Variants in ZBTB20 observed in about 807,000 individuals in gnomAD.
ZBTB20 encodes zinc finger and BTB domain-containing protein 20.
ZBTB20 carries 9 observed loss-of-function variants against 56.9 expected under a neutral mutation model. That is an observed-to-expected ratio of 0.16 (90% CI 0.10 to 0.28). The LOEUF is 0.28. Ranked by LOEUF, ZBTB20 falls within the 10% of genes least tolerant of loss-of-function variation. The probability of loss-of-function intolerance (pLI) is 1.00; values close to 1 mark genes in which losing one functional copy is unlikely to be tolerated. For synonymous variants in ZBTB20, 417 were observed against 420.7 expected (o/e 0.99, Z 0.11); for missense variants, 655 against 1,003.0 (o/e 0.65, Z 4.69).
intron 3 of ZBTB20, among the ~76,000 whole-genome samples, chr3:114,942,162 C>T (rs2076741897): frequency 6.9e-6 from 1 of 145,586 alleles, no homozygotes; most frequent in Non-Finnish European, 1.5e-5. Context: ...TCGTTATAGC[C>T]TCCTAGTCTA....
At chr3:115,105,929 T>C (rs778199615) in intron 1 of ZBTB20, among the ~76,000 whole-genome samples, 27 of 152,072 alleles carry the variant, frequency 1.8e-4, no homozygotes, top group Non-Finnish European at 3.1e-4. Flanking sequence ...GCGATTCTCC[T>C]GCCTCAGCCT....
chr3:115,008,810 T>C (rs549239020), intron 2 of ZBTB20, among the ~76,000 whole-genome samples: 3 of 152,070 alleles, frequency 2.0e-5, no homozygotes, highest in African/African-American at 7.2e-5. Context: ...AAACAAAGTA[T>C]ATCTGTAATA....
At chr3:114,443,066 T>C (rs2091033447) in intron 7 of ZBTB20, among the ~76,000 whole-genome samples, 1 of 152,076 alleles carries the variant, frequency 6.6e-6, no homozygotes, top group African/African-American at 2.4e-5. Context: ...GGGAAGAAAA[T>C]GCCAAAGATG....
intron 4 of ZBTB20, among the ~76,000 whole-genome samples, chr3:114,833,962 A>G (rs2073989749): frequency 6.6e-6 from 1 of 152,152 alleles, no homozygotes; most frequent in South Asian, 2.1e-4. Context: ...GAACATAGAC[A>G]TCCTGTTTTA....
intron 3 of ZBTB20, chr3:114,931,363 C>A: frequency 4.2e-6 from 1 of 240,686 alleles, no homozygotes; most frequent in African/African-American, 2.3e-5. Context: ...ATGTAGACTC[C>A]CAGAAAACCC....
At chr3:115,076,310 T>C (rs764824517) in intron 1 of ZBTB20, among the ~76,000 whole-genome samples, 1 of 152,078 alleles carries the variant, frequency 6.6e-6, no homozygotes, top group Admixed American at 6.5e-5. Context: ...CAAAATATAT[T>C]ACAAAACAAA....
intron 5 of ZBTB20, among the ~76,000 whole-genome samples, chr3:114,717,886 C>T (rs940924580): frequency 2.6e-5 from 4 of 152,094 alleles, no homozygotes; most frequent in African/African-American, 9.7e-5. Context: ...ACTGTAATAT[C>T]TTTTGGGATA....
At chr3:114,707,981 A>C (rs571973695) in intron 5 of ZBTB20, among the ~76,000 whole-genome samples, 1 of 152,220 alleles carries the variant, frequency 6.6e-6, no homozygotes, top group Admixed American at 6.5e-5. Flanking sequence ...GAAAGCAGGA[A>C]TCATATCTCC....
At chr3:115,086,786 ATGG>A (rs1300568976) in intron 1 of ZBTB20, among the ~76,000 whole-genome samples, 1 of 151,834 alleles carries the variant, frequency 6.6e-6, no homozygotes, top group African/African-American at 2.4e-5. Context: ...GTCTGATGTG[ATGG>A]CATCACTTCT....
intron 6 of ZBTB20, among the ~76,000 whole-genome samples, chr3:114,615,141 A>G (rs2057842105): frequency 6.6e-6 from 1 of 152,192 alleles, no homozygotes; most frequent in Non-Finnish European, 1.5e-5. Context: ...CAAACTAAGG[A>G]GAAACATACT....
chr3:115,020,608 G>A (rs2080164429), intron 2 of ZBTB20, among the ~76,000 whole-genome samples: 1 of 150,750 alleles, frequency 6.6e-6, no homozygotes, highest in Non-Finnish European at 1.5e-5. Flanking sequence ...CTTTTTTGAG[G>A]ATGATAAAAG....
intron 4 of ZBTB20, among the ~76,000 whole-genome samples, chr3:114,839,286 A>C (rs2074262024): frequency 6.6e-6 from 1 of 151,984 alleles, no homozygotes. Flanking sequence ...CTATGGTCCC[A>C]GCTACTTGGG....
rs575828762 is a variant in ZBTB20 at position 114,830,657 on chromosome 3, A to G, written c.-416-29483T>C. Among the ~76,000 whole-genome samples the G allele has an allele frequency of 2.0e-5, 3 of 152,150 alleles. No homozygotes were observed. In the South Asian group the frequency reaches 6.2e-4, roughly 32 times the overall value. On this transcript the variant is annotated intron_variant, in intron 4 of 11. Coordinates refer to ENST00000675478, the MANE Select transcript of ZBTB20 (RefSeq NM_001348800.3). Reference sequence around the variant, plus strand: ...CAATTATCCCAATCATGGATGAGGAAACTGGGACTCAGAGAAGTTAGAGTT... The same window carrying G: ...CAATTATCCCAATCATGGATGAGGAGACTGGGACTCAGAGAAGTTAGAGTT...
intron 6 of ZBTB20, among the ~76,000 whole-genome samples, chr3:114,608,982 C>A (rs561956824): frequency 6.6e-6 from 1 of 152,262 alleles, no homozygotes; most frequent in Non-Finnish European, 1.5e-5. Context: ...CAGTCTTTGT[C>A]CTGCCTAGTG....
Position 114,974,391 on chromosome 3 carries a change from A to C in ZBTB20, c.-481T>G, listed in dbSNP as rs2078014257. 1 of 152,164 alleles carries C rather than the reference A, an allele frequency of 6.6e-6. No individual in the cohort carries two copies. The highest frequency in any genetic ancestry group is 2.4e-5 in the African/African-American group (1 of 41,460). The allele number at this position is 152,164 out of a possible 1,614,324, so 9.4% of individuals were successfully genotyped here. A position where few individuals can be genotyped will look rare whatever the true frequency, so the allele number is the denominator to read the frequency against. ...CTTCAGCCTTCAGAGTCCCAAAGGCAATTCTTAACACTTCTTTTTATTTGT... is the reference window on the plus strand; with the variant it reads ...CTTCAGCCTTCAGAGTCCCAAAGGCCATTCTTAACACTTCTTTTTATTTGT... On this transcript the variant is annotated 5_prime_UTR_variant, in exon 3 of 12. The change creates a new upstream start codon in the 5' untranslated region. Coordinates refer to ENST00000675478, the MANE Select transcript of ZBTB20 (RefSeq NM_001348800.3).
At chr3:114,506,179 A>T (rs1040658178) in intron 6 of ZBTB20, among the ~76,000 whole-genome samples, 1 of 152,178 alleles carries the variant, frequency 6.6e-6, no homozygotes, top group Non-Finnish European at 1.5e-5. Context: ...GATCCGTCTC[A>T]AGAAGAACAA....
chr3:114,841,725 A>G (rs2074393154), intron 4 of ZBTB20, among the ~76,000 whole-genome samples: 1 of 152,190 alleles, frequency 6.6e-6, no homozygotes, highest in African/African-American at 2.4e-5. Flanking sequence ...TGAGTTTAGA[A>G]CATGTTGAGT....
At chr3:114,993,553 T>C (rs2078907343) in intron 2 of ZBTB20, among the ~76,000 whole-genome samples, 1 of 151,812 alleles carries the variant, frequency 6.6e-6, no homozygotes, top group Non-Finnish European at 1.5e-5. Context: ...GAATTGGTAT[T>C]ACAAAATAAG....
chr3:114,687,717 T>C (rs1461120061), intron 6 of ZBTB20: 3 of 152,052 alleles, frequency 2.0e-5, no homozygotes, highest in African/African-American at 7.2e-5. Context: ...AAGAATGACC[T>C]GGAAATAATT....
Sources: gnomAD v4.1 joint callset for allele counts (sites outside exome capture counted in the v4.1 genomes callset) on GRCh38, gnomAD v4.1.1 for gene constraint, MANE v1.5 for transcripts, NCBI Gene and HGNC (gene_info 2026-07-23, HGNC 2026-07-21) for gene names.